ROBO2: variants seen among roughly 807,000 people sequenced by gnomAD.
The protein encoded by ROBO2 is roundabout homolog 2.
Under a neutral mutation model 160.8 loss-of-function variants are expected in ROBO2, and 53 were observed. That is an observed-to-expected ratio of 0.33 (90% CI 0.26 to 0.41). ROBO2 has a LOEUF of 0.41. Among genes scored for constraint, ROBO2 ranks in the 10% least tolerant of loss-of-function variants. The pLI is 1.00. For synonymous variants in ROBO2, 664 were observed against 611.7 expected (o/e 1.09, Z -1.26); for missense variants, 1,577 against 1,722.4 (o/e 0.92, Z 1.49).
At chr3:77,147,455 C>A (rs2077209946) in intron 2 of ROBO2, among the ~76,000 whole-genome samples, 1 of 152,064 alleles carries the variant, frequency 6.6e-6, no homozygotes, top group Non-Finnish European at 1.5e-5. Context: ...ATAAGATTAA[C>A]CATGGTCTCC....
At chr3:76,096,619 T>A (rs1360869266) in intron 2 of ROBO2, among the ~76,000 whole-genome samples, 2 of 152,194 alleles carry the variant, frequency 1.3e-5, no homozygotes, top group African/African-American at 4.8e-5. Context: ...TAATTAATAA[T>A]ACAAATAATA....
chr3:77,354,040 AG>A (rs1280143082), intron 2 of ROBO2, among the ~76,000 whole-genome samples: 2 of 152,130 alleles, frequency 1.3e-5, no homozygotes, highest in Non-Finnish European at 2.9e-5. Context: ...GGCCACATTG[AG>A]GATCTTTAGA....
chr3:76,419,727 T>G (rs1446480913), intron 2 of ROBO2, among the ~76,000 whole-genome samples: 1 of 152,126 alleles, frequency 6.6e-6, no homozygotes, highest in Non-Finnish European at 1.5e-5. Flanking sequence ...ATCAGGGCGA[T>G]TTAGCCTCAT....
At chr3:77,369,498 T>G (rs1005313599) in intron 2 of ROBO2, among the ~76,000 whole-genome samples, 1 of 152,170 alleles carries the variant, frequency 6.6e-6, no homozygotes, top group South Asian at 2.1e-4. Context: ...CTAGCAGGTA[T>G]GTGGATGTAG....
intron 2 of ROBO2, among the ~76,000 whole-genome samples, chr3:76,254,683 G>A (rs560658839): frequency 2.0e-5 from 3 of 151,888 alleles, no homozygotes; most frequent in South Asian, 2.1e-4. Flanking sequence ...TACTGTGGTG[G>A]TAGATACATG....
chr3:77,549,803 T>C (rs542263647), intron 7 of ROBO2, among the ~76,000 whole-genome samples: 7 of 152,150 alleles, frequency 4.6e-5, no homozygotes, highest in African/African-American at 1.4e-4. Context: ...TTTAATTGAA[T>C]GTTATTGCCT....
intron 2 of ROBO2, among the ~76,000 whole-genome samples, chr3:77,381,279 C>A (rs1228340152): frequency 6.6e-6 from 1 of 152,168 alleles, no homozygotes; most frequent in Non-Finnish European, 1.5e-5. Context: ...CACGCCACTG[C>A]ACCCCAGCCT....
chr3:76,729,465 T>C (rs2093601454), intron 2 of ROBO2, among the ~76,000 whole-genome samples: 1 of 152,110 alleles, frequency 6.6e-6, no homozygotes, highest in Non-Finnish European at 1.5e-5. Flanking sequence ...AATCTACCCA[T>C]ACTTTTATGA....
At chr3:77,572,886 T>C (rs1002170422) in intron 13 of ROBO2, among the ~76,000 whole-genome samples, 1 of 152,054 alleles carries the variant, frequency 6.6e-6, no homozygotes, top group African/African-American at 2.4e-5. Context: ...GTTTATAAAC[T>C]GCCGACAAAT....
chr3:77,277,217 T>TG (rs2059935191), intron 2 of ROBO2, among the ~76,000 whole-genome samples: 5 of 118,124 alleles, frequency 4.2e-5, no homozygotes, highest in Non-Finnish European at 9.4e-5. Flanking sequence ...TCTTTCTTCT[T>TG]TCTTTCTTTC....
chr3:77,524,842 A>G (rs1274648829), intron 6 of ROBO2, among the ~76,000 whole-genome samples: 1 of 151,098 alleles, frequency 6.6e-6, no homozygotes, highest in Non-Finnish European at 1.5e-5. Context: ...TAATCTGTAT[A>G]CTGTAGATGG....
intron 2 of ROBO2, among the ~76,000 whole-genome samples, chr3:76,019,107 G>T (rs1367165735): frequency 1.3e-5 from 2 of 150,222 alleles, no homozygotes; most frequent in Admixed American, 6.6e-5. Flanking sequence ...AGTTCTGTGC[G>T]TATCTGCGAA....
intron 2 of ROBO2, among the ~76,000 whole-genome samples, chr3:77,294,432 C>A (rs1373863523): frequency 1.0e-5 from 1 of 96,986 alleles, no homozygotes; most frequent in Non-Finnish European, 2.0e-5. Context: ...GGAAGTTGAG[C>A]CTAGATCCCT....
chr3:76,071,459 G>T (rs995588726), intron 2 of ROBO2, among the ~76,000 whole-genome samples: 2 of 152,172 alleles, frequency 1.3e-5, no homozygotes, highest in Admixed American at 6.5e-5. Context: ...TTATGAACTG[G>T]TTGGGTTATC....
intron 2 of ROBO2, among the ~76,000 whole-genome samples, chr3:76,894,952 T>G (rs2148837474): frequency 6.6e-6 from 1 of 152,246 alleles, no homozygotes; most frequent in South Asian, 2.1e-4. Context: ...GTTTTTTTCC[T>G]TTCAGAAAAT....
intron 2 of ROBO2, among the ~76,000 whole-genome samples, chr3:76,225,714 C>CA (rs930167662): frequency 1.2e-3 from 188 of 151,236 alleles, no homozygotes; most frequent in Middle Eastern, 6.8e-3. Flanking sequence ...TCCTTGTCTC[C>CA]AAAAATAGAA....
rs560842743 is a variant in ROBO2, at chr3:76,551,786, G to A, written c.110-546228G>A. Among the ~76,000 whole-genome samples the A allele has an allele frequency of 4.6e-5, 7 of 152,270 alleles. No homozygotes were observed. The East Asian group carries it at 1.4e-3, about 30-fold the overall frequency. Reference sequence around the variant, plus strand: ...ATCAGATCCAACTGCAGCCTTGCATGAAGCCAGTACCTGTGCTGGCACCTG... The same window carrying A: ...ATCAGATCCAACTGCAGCCTTGCATAAAGCCAGTACCTGTGCTGGCACCTG... On this transcript the variant is annotated intron_variant, in intron 2 of 26. Transcript: ENST00000487694.
chr3:77,641,347 C>T (rs2095347874), intron 24 of ROBO2, among the ~76,000 whole-genome samples: 3 of 152,324 alleles, frequency 2.0e-5, no homozygotes, highest in African/African-American at 7.2e-5. Context: ...CCAACATTAT[C>T]AGTCCAATGC....
At chr3:76,240,649 G>A (rs1431525757) in intron 2 of ROBO2, among the ~76,000 whole-genome samples, 1 of 152,074 alleles carries the variant, frequency 6.6e-6, no homozygotes, top group Non-Finnish European at 1.5e-5. Flanking sequence ...GCATTGCATT[G>A]GAAAACAGTA....
Sources: gnomAD v4.1 joint callset for allele counts (sites outside exome capture counted in the v4.1 genomes callset) on GRCh38, gnomAD v4.1.1 for gene constraint, MANE v1.5 for transcripts, NCBI Gene and HGNC (gene_info 2026-07-23, HGNC 2026-07-21) for gene names.